RBM10: variants seen among roughly 807,000 people sequenced by gnomAD.
RBM10 encodes RNA binding motif protein 10, also known as RNA-binding protein 10.
RBM10 carries 1 observed loss-of-function variant against 84.9 expected under a neutral mutation model. That is an observed-to-expected ratio of 0.01 (90% CI 0.00 to 0.06). RBM10 has a LOEUF of 0.06. Ranked by LOEUF, RBM10 falls within the 10% of genes least tolerant of loss-of-function variation. The pLI is 1.00. For synonymous variants in RBM10, 326 were observed against 344.5 expected (o/e 0.95, Z 0.60); for missense variants, 438 against 839.0 (o/e 0.52, Z 5.90).
chrX:47,180,488 C>G lies in RBM10; in HGVS notation c.1230C>G (p.Ala410=), dbSNP rs201959656. The change falls in exon 12 of 24, where the codon GCC becomes GCG. Residue 410 remains alanine, a synonymous_variant. Coordinates refer to ENST00000377604, the MANE Select transcript of RBM10 (RefSeq NM_005676.5). ...ASVASTAIAA[A]QWAISQASQG... is the part of the protein sequence containing the mutation. ...TGGCCAGCACTGCCATTGCTGCGGC[C>G]CAGTGGGCCATCTCACAGGTACTCA... 4.2e-4 allele frequency: 512 copies of G among 1,208,546 alleles called. 3 individuals carry two copies. The East Asian group carries it at 0.014, about 32-fold the overall frequency.
intron 7 of RBM10, among the ~76,000 whole-genome samples, chrX:47,178,038 A>G: frequency 9.0e-6 from 1 of 111,009 alleles, no homozygotes; most frequent in Non-Finnish European, 1.9e-5. Flanking sequence ...TGCTCATGCC[A>G]ATCGTCACGC....
intron 1 of RBM10, among the ~76,000 whole-genome samples, chrX:47,147,014 C>T (rs1237875251): frequency 2.7e-5 from 3 of 111,441 alleles, no homozygotes; most frequent in African/African-American, 9.8e-5. Flanking sequence ...CTACCCCCAC[C>T]CTGGGATGCA....
In RBM10 at chrX:47,185,453, A is replaced by G. The variant is rs782710436; in HGVS notation, c.2178A>G (p.Arg726=). 4.3e-6 allele frequency: 5 copies of G among 1,172,330 alleles called. No individual in the cohort carries two copies. The African/African-American group carries it at 8.9e-5, about 21-fold the overall frequency. The change falls in exon 20 of 24, where the codon CGA becomes CGG. Residue 726 remains arginine, a synonymous_variant. Coordinates refer to ENST00000377604, the MANE Select transcript of RBM10 (RefSeq NM_005676.5). Reference sequence around the variant, plus strand: ...CTCACCCTCTACAGAGCCCTCCGCGAGGACTGGTGGCAGCCTACAGCGGGG... The same window carrying G: ...CTCACCCTCTACAGAGCCCTCCGCGGGGACTGGTGGCAGCCTACAGCGGGG... The part of the protein sequence containing the change: ...LASDDRPSPP[R]GLVAAYSGES...
In RBM10 at chrX:47,171,118, C is replaced by G. The variant is rs1556772860; in HGVS notation, c.292C>G (p.Arg98Gly). Residue 98 changes from arginine to glycine, a missense_variant, in exon 4 of 24, where the codon CGA becomes GGA. Arg to Gly is a moderately radical substitution (Grantham distance 125). Coordinates refer to ENST00000377604, the MANE Select transcript of RBM10 (RefSeq NM_005676.5). ...CCCCACCGGCCCGCCAGGCTTCCCCCGAGACGGCGACTATCGGGACCAGGA... is the reference window on the plus strand; with the variant it reads ...CCCCACCGGCCCGCCAGGCTTCCCCGGAGACGGCGACTATCGGGACCAGGA... ...HSPTGPPGFP[R>G]DGDYRDQDYR... is the part of the protein sequence containing the mutation. The G allele has an allele frequency of 2.5e-6, 3 of 1,210,787 alleles. No homozygotes were observed. The South Asian group carries it at 5.3e-5, about 21-fold the overall frequency.
chrX:47,151,137 C>T (rs1932780641), intron 2 of RBM10, among the ~76,000 whole-genome samples: 1 of 108,005 alleles, frequency 9.3e-6, no homozygotes, highest in African/African-American at 3.4e-5. Context: ...TCCACAGGCT[C>T]AAGTGATCTT....
At position 47,183,670 on chromosome X, in the gene RBM10, A is replaced by G. The variant is rs150976636; in HGVS notation, c.1950+1344A>G. 1.3e-3 allele frequency among the ~76,000 whole-genome samples: 140 copies of G among 111,250 alleles called. 1 individual carries two copies. Among genetic ancestry groups the G allele is most frequent in the African/African-American group, 4.4e-3 (136 of 30,611 alleles). On this transcript the variant is annotated intron_variant, in intron 17 of 23. Coordinates refer to ENST00000377604, the MANE Select transcript of RBM10 (RefSeq NM_005676.5). ...CAGCACTATACAATCTGTGCATGTA[A>G]CAAAAGCACTTGTTTATTTTATTTA...
chrX:47,175,144 G>A (rs1556775545), intron 6 of RBM10, 52 bp downstream of exon 6: 11 of 1,043,356 alleles, frequency 1.1e-5, no homozygotes, highest in Admixed American at 4.8e-5. Flanking sequence ...CTTTGTAATC[G>A]AGCGCTCCCC....
rs1367609249 is a variant in RBM10 at position 47,171,262 on chromosome X, C to T, written c.432+4C>T. ...ACAGGCAGCCACTGAGGATGACGTA[C>T]GTGCCCCCCATGGCCCCGGGCAGGA... On this transcript the variant is annotated splice_donor_region_variant and intron_variant, in intron 4 of 23. Transcript: ENST00000377604. 6 of 1,210,075 alleles carry T rather than the reference C, an allele frequency of 5.0e-6. No homozygotes were observed. Among genetic ancestry groups the T allele is most frequent in the Non-Finnish European group, 5.6e-6 (5 of 895,052 alleles).
At chrX:47,156,261 T>G (rs1933137074) in intron 2 of RBM10, among the ~76,000 whole-genome samples, 1 of 112,248 alleles carries the variant, frequency 8.9e-6, no homozygotes. Flanking sequence ...TTTGTCTTGC[T>G]GAGGAAGGCC....
intron 3 of RBM10, among the ~76,000 whole-genome samples, chrX:47,170,266 C>G (rs782408514): frequency 1.8e-5 from 2 of 113,726 alleles, no homozygotes; most frequent in Non-Finnish European, 3.7e-5. Flanking sequence ...TCTCCAGTGG[C>G]AGCTGTCAAG....
At chrX:47,168,517 C>T (rs1448198785) in intron 2 of RBM10, among the ~76,000 whole-genome samples, 1 of 110,346 alleles carries the variant, frequency 9.1e-6, no homozygotes, top group Non-Finnish European at 1.9e-5. Flanking sequence ...CACTGCCCTC[C>T]AGCCTGGGCA....
At position 47,179,874 on chromosome X, in the gene RBM10, C is replaced by A; in HGVS notation, c.902-6C>A. 8.3e-7 allele frequency: 1 copy of A among 1,203,595 alleles called. No individual in the cohort carries two copies. Among genetic ancestry groups the A allele is most frequent in the Non-Finnish European group, 1.1e-6 (1 of 891,512 alleles). On this transcript the variant is annotated splice_polypyrimidine_tract_variant and splice_region_variant and intron_variant, in intron 9 of 23. Coordinates refer to ENST00000377604, the MANE Select transcript of RBM10 (RefSeq NM_005676.5). The stretch of plus-strand genomic sequence containing the variant: ...GTGTCCTCTAACATTGGGCCCCTTC[C>A]CACAGCCATCATTTTGCGCAACCTG...
chrX:47,170,909 C>G (rs781875811), intron 3 of RBM10, 119 bp from the exon 4 acceptor site: 1 of 735,978 alleles, frequency 1.4e-6, no homozygotes. Flanking sequence ...AGCCTTTAGC[C>G]GGAGCCCGCA....
At chrX:47,177,634 T>C (rs1005910630) in intron 7 of RBM10, among the ~76,000 whole-genome samples, 9 of 110,679 alleles carry the variant, frequency 8.1e-5, no homozygotes, top group Admixed American at 3.8e-4. Context: ...TTTTTTTTTT[T>C]TGAGACAGGA....
intron 21 of RBM10, 39 bp downstream of exon 21, chrX:47,185,829 C>T: frequency 8.3e-7 from 1 of 1,203,087 alleles, no homozygotes; most frequent in Non-Finnish European, 1.1e-6. Context: ...TCCCCTGTGT[C>T]CCTTCCAAGT....
At chrX:47,175,213 G>A (rs1203109183) in intron 6 of RBM10, 121 bp downstream of exon 6, 7 of 443,891 alleles carry the variant, frequency 1.6e-5, no homozygotes, top group African/African-American at 9.4e-5. Context: ...CCATCCCCCC[G>A]CCCCCTCTCT....
chrX:47,170,909 C>T (rs781875811), intron 3 of RBM10, 119 bp from the exon 4 acceptor site: 16 of 734,642 alleles, frequency 2.2e-5, no homozygotes, highest in Non-Finnish European at 2.9e-5. Context: ...AGCCTTTAGC[C>T]GGAGCCCGCA....
rs782373421 is a variant in RBM10 at position 47,169,362 on chromosome X, C to T, written c.65C>T (p.Ser22Leu). Residue 22 changes from serine to leucine, a missense_variant, in exon 3 of 24, where the codon TCG becomes TTG. Ser to Leu is a moderately radical substitution (Grantham distance 145). Around this residue, in one of 8 missense-constraint regions of RBM10, gnomAD observed 92 missense variants for 134.3 expected, o/e 0.69. Transcript: ENST00000377604. The stretch of plus-strand genomic sequence containing the variant: ...GGCCGCTATGGAGCCACTGACCGCT[C>T]GCAGGATGATGGTGGGGAGAACCGC... ...RTGRYGATDR[S>L]QDDGGENRSR... The T allele has an allele frequency of 1.6e-5, 19 of 1,210,150 alleles. No homozygotes were observed. Among genetic ancestry groups the T allele is most frequent in the Non-Finnish European group, 1.1e-6 (1 of 895,054 alleles).
At chrX:47,181,444 C>T (rs376406111) in intron 13 of RBM10, 43 bp downstream of exon 13, 3 of 1,207,862 alleles carry the variant, frequency 2.5e-6, no homozygotes, top group Non-Finnish European at 3.4e-6. Context: ...TGGGGGCCAG[C>T]AGGCATAAAG....
Sources: allele counts gnomAD v4.1 joint callset (sites outside exome capture counted in the v4.1 genomes callset), GRCh38; gene constraint gnomAD v4.1.1; regional missense constraint gnomAD v4.1.1; transcripts MANE v1.5; gene names NCBI Gene and HGNC (gene_info 2026-07-23, HGNC 2026-07-21).